Variants in C13orf42 observed in about 807,000 individuals in gnomAD.
C13orf42 encodes uncharacterized protein C13orf42.
intron 1 of C13orf42, among the ~76,000 whole-genome samples, chr13:51,154,272 G>T (rs1485999576): frequency 6.6e-6 from 1 of 152,076 alleles, no homozygotes; most frequent in Non-Finnish European, 1.5e-5. Flanking sequence ...TTTGGCTATT[G>T]TAAGTAATGC....
chr13:51,134,933 TGA>T (rs540290901), intron 1 of C13orf42, among the ~76,000 whole-genome samples: 177 of 152,304 alleles, frequency 1.2e-3, no homozygotes, highest in African/African-American at 4.3e-3. Flanking sequence ...GGGGTAAGAT[TGA>T]GAGTCCAAAG....
intron 1 of C13orf42, among the ~76,000 whole-genome samples, chr13:51,153,168 C>T (rs1953792849): frequency 2.0e-5 from 3 of 152,194 alleles, no homozygotes. Context: ...CCTGCCATTG[C>T]ACCTGCCGCC....
intron 1 of C13orf42, among the ~76,000 whole-genome samples, chr13:51,090,478 G>A (rs1046286715): frequency 6.6e-6 from 1 of 152,174 alleles, no homozygotes; most frequent in Non-Finnish European, 1.5e-5. Context: ...TAATAGTAAT[G>A]CAAGGTCCAT....
At chr13:51,148,577 CCT>C (rs1953755874) in intron 1 of C13orf42, among the ~76,000 whole-genome samples, 1 of 152,166 alleles carries the variant, frequency 6.6e-6, no homozygotes, top group Admixed American at 6.5e-5. Flanking sequence ...CATGCAATCC[CCT>C]GAGGTCCCCC....
At chr13:51,090,499 C>A (rs1337709598) in intron 1 of C13orf42, among the ~76,000 whole-genome samples, 1 of 152,156 alleles carries the variant, frequency 6.6e-6, no homozygotes, top group Admixed American at 6.5e-5. Context: ...GGTGGTTTTG[C>A]ACCTCAAAAC....
At chr13:51,108,242 G>A (rs548742209) in intron 1 of C13orf42, among the ~76,000 whole-genome samples, 1 of 152,180 alleles carries the variant, frequency 6.6e-6, no homozygotes, top group Non-Finnish European at 1.5e-5. Context: ...TTCTAACTGA[G>A]GTCACTATCT....
intron 1 of C13orf42, among the ~76,000 whole-genome samples, chr13:51,119,150 G>GGGTGTACAGTATGCCCA (rs1280269164): frequency 6.6e-6 from 1 of 151,424 alleles, no homozygotes; most frequent in Non-Finnish European, 1.5e-5. Context: ...CAGTATGCCT[G>GGGTGTACAGTATGCCCA]GGTGTACAGT....
chr13:51,170,636 G>A (rs1953941166), intron 1 of C13orf42, among the ~76,000 whole-genome samples: 1 of 152,130 alleles, frequency 6.6e-6, no homozygotes, highest in Non-Finnish European at 1.5e-5. Context: ...AAACTCCAGC[G>A]CCGGTCACGG....
At chr13:51,152,054 A>G (rs1489414371) in intron 1 of C13orf42, among the ~76,000 whole-genome samples, 2 of 152,220 alleles carry the variant, frequency 1.3e-5, no homozygotes. Context: ...TCATAGGTGC[A>G]TGACAGTTTA....
chr13:51,130,094 TAAATA>T (rs775089669), intron 1 of C13orf42, among the ~76,000 whole-genome samples: 2 of 152,200 alleles, frequency 1.3e-5, no homozygotes, highest in African/African-American at 4.8e-5. Flanking sequence ...AATAAGTGCT[TAAATA>T]AAATATTTTT....
intron 1 of C13orf42, among the ~76,000 whole-genome samples, chr13:51,149,364 T>C (rs1344628508): frequency 6.6e-6 from 1 of 150,980 alleles, no homozygotes; most frequent in Non-Finnish European, 1.5e-5. Context: ...CTTCCTTAAT[T>C]AGCAAAGGTG....
At chr13:51,166,430 G>C (rs7327436) in intron 1 of C13orf42, among the ~76,000 whole-genome samples, 78,320 of 115,340 alleles carry the variant, frequency 0.68, 26,927 homozygotes, top group East Asian at 0.92. Context: ...ACATCACACT[G>C]TGGGGACTGT....
chr13:51,108,375 C>T (rs1369824408), intron 1 of C13orf42, among the ~76,000 whole-genome samples: 1 of 152,164 alleles, frequency 6.6e-6, no homozygotes, highest in Non-Finnish European at 1.5e-5. Flanking sequence ...GAGCTTTCTC[C>T]CAAAGCATGG....
At chr13:51,135,897 T>C (rs926826545) in intron 1 of C13orf42, among the ~76,000 whole-genome samples, 1 of 152,088 alleles carries the variant, frequency 6.6e-6, no homozygotes, top group Non-Finnish European at 1.5e-5. Flanking sequence ...TAGAAACAAC[T>C]TGTATATTAA....
chr13:51,134,526 A>G (rs1318096847), intron 1 of C13orf42, among the ~76,000 whole-genome samples: 1 of 152,240 alleles, frequency 6.6e-6, no homozygotes, highest in East Asian at 1.9e-4. Context: ...TTAATAGGCA[A>G]GAATGAACAT....
intron 1 of C13orf42, among the ~76,000 whole-genome samples, chr13:51,141,571 GGGCGGGTC>G (rs1953696379): frequency 6.6e-6 from 1 of 152,106 alleles, no homozygotes; most frequent in Non-Finnish European, 1.5e-5. Flanking sequence ...AGGCTGAGGT[GGGCGGGTC>G]ATGAGGTCAG....
chr13:51,122,603 T>TA (rs1277211468), intron 1 of C13orf42, among the ~76,000 whole-genome samples: 5 of 151,828 alleles, frequency 3.3e-5, no homozygotes, highest in Non-Finnish European at 4.4e-5. Flanking sequence ...CTTATAAGCT[T>TA]AAAAAATTTT....
At chr13:51,085,184 A>AATATATATATATATATATATATATAT (rs57050801) in intron 3 of C13orf42, 135 bp downstream of exon 3, 5 of 190,542 alleles carry the variant, frequency 2.6e-5, no homozygotes, top group African/African-American at 1.3e-4. Flanking sequence ...AGCAACAACA[A>AATATATATATATATATATATATATAT]ATATATATAT....
chr13:51,101,195 G>A (rs1953286270), intron 1 of C13orf42, among the ~76,000 whole-genome samples: 1 of 152,044 alleles, frequency 6.6e-6, no homozygotes, highest in Admixed American at 6.6e-5. Flanking sequence ...TTTTTGCTAG[G>A]CATTCTTCAT....
Sources: allele counts gnomAD v4.1 joint callset (sites outside exome capture counted in the v4.1 genomes callset), GRCh38; gene constraint gnomAD v4.1.1; transcripts MANE v1.5; gene names NCBI Gene and HGNC (gene_info 2026-07-23, HGNC 2026-07-21).